The following RGS20 variants were observed in gnomAD, a reference collection of about 807,000 sequenced individuals.
RGS20 encodes the protein gz-selective GTPase-activating protein.
In RGS20, 30 loss-of-function variants were observed where a neutral mutation model predicts 33.6. That is an observed-to-expected ratio of 0.89 (90% confidence interval 0.67 to 1.21). The LOEUF is 1.21. Among genes scored for constraint, RGS20 ranks in the 50% most tolerant of loss-of-function variants. The pLI is 0.00. For missense variants in RGS20, 472 were observed against 502.4 expected, an observed-to-expected ratio of 0.94 and a Z score of 0.58; for synonymous variants, 208 against 197.9, an observed-to-expected ratio of 1.05 and a Z score of -0.43.
At chr8:53,938,785 ATC>A (rs1231886713) in intron 2 of RGS20, among the ~76,000 whole-genome samples, 5 of 152,142 alleles carry the variant, frequency 3.3e-5, no homozygotes, top group African/African-American at 1.2e-4. Context: ...CTGCTTTTAT[ATC>A]TCTCTTCTTT....
intron 1 of RGS20, among the ~76,000 whole-genome samples, chr8:53,875,482 T>C (rs1812184552): frequency 7.0e-6 from 1 of 142,642 alleles, no homozygotes; most frequent in Non-Finnish European, 1.5e-5. Flanking sequence ...AAAAACACCA[T>C]CTCCTACCCT....
chr8:53,869,886 T>C (rs1341608616), intron 1 of RGS20, among the ~76,000 whole-genome samples: 1 of 152,112 alleles, frequency 6.6e-6, no homozygotes, highest in East Asian at 1.9e-4. Context: ...TTGGGGTTCA[T>C]AGTGGGACTG....
intron 2 of RGS20, among the ~76,000 whole-genome samples, chr8:53,912,031 CA>C (rs952238358): frequency 2.0e-5 from 3 of 151,412 alleles, no homozygotes; most frequent in Admixed American, 1.3e-4. Context: ...CAAAGATGGC[CA>C]AAAAAAGGAA....
At chr8:53,869,721 TAGC>T (rs2129271175) in intron 1 of RGS20, among the ~76,000 whole-genome samples, 1 of 152,114 alleles carries the variant, frequency 6.6e-6, no homozygotes, top group African/African-American at 2.4e-5. Flanking sequence ...AAAATTAAAA[TAGC>T]ACAGCTTTAC....
intron 2 of RGS20, among the ~76,000 whole-genome samples, chr8:53,884,504 C>T (rs1812483951): frequency 6.6e-6 from 1 of 152,134 alleles, no homozygotes; most frequent in South Asian, 2.1e-4. Flanking sequence ...AGCTGAAACA[C>T]CCCTTATATC....
intron 2 of RGS20, among the ~76,000 whole-genome samples, chr8:53,931,655 A>C (rs890118194): frequency 6.6e-6 from 1 of 152,170 alleles, no homozygotes; most frequent in African/African-American, 2.4e-5. Flanking sequence ...TCCCAATGAG[A>C]TCAATGCAGA....
chr8:53,954,869 G>C (rs1814820191), intron 5 of RGS20, among the ~76,000 whole-genome samples: 1 of 150,828 alleles, frequency 6.6e-6, no homozygotes, highest in Non-Finnish European at 1.5e-5. Context: ...TGTATTTTTA[G>C]TAGAGACAGG....
At chr8:53,904,409 G>A (rs961227798) in intron 2 of RGS20, among the ~76,000 whole-genome samples, 19 of 152,228 alleles carry the variant, frequency 1.2e-4, no homozygotes, top group African/African-American at 4.6e-4. Flanking sequence ...TAGGATTACA[G>A]GCGTGAGCCA....
chr8:53,854,679 A>C (rs1811635356), intron 1 of RGS20, among the ~76,000 whole-genome samples: 1 of 152,230 alleles, frequency 6.6e-6, no homozygotes, highest in South Asian at 2.1e-4. Flanking sequence ...AGGAATGTAA[A>C]ATAGTACAGC....
intron 4 of RGS20, among the ~76,000 whole-genome samples, chr8:53,947,081 CAT>C (rs1289648322): frequency 6.9e-6 from 1 of 144,722 alleles, no homozygotes; most frequent in Non-Finnish European, 1.5e-5. Context: ...TAAGATATAG[CAT>C]ATATATTTAT....
At chr8:53,905,214 G>C (rs1813132318) in intron 2 of RGS20, among the ~76,000 whole-genome samples, 1 of 152,124 alleles carries the variant, frequency 6.6e-6, no homozygotes, top group Admixed American at 6.5e-5. Flanking sequence ...CAATGGACCA[G>C]CTTTTTCTTA....
At chr8:53,864,374 C>G (rs1811875458) in intron 1 of RGS20, among the ~76,000 whole-genome samples, 1 of 143,806 alleles carries the variant, frequency 7.0e-6, no homozygotes, top group Non-Finnish European at 1.5e-5. Context: ...TTGGAGGTTG[C>G]AGTGAGCTGA....
chr8:53,901,677 G>C (rs552871557), intron 2 of RGS20, among the ~76,000 whole-genome samples: 1 of 152,286 alleles, frequency 6.6e-6, no homozygotes, highest in South Asian at 2.1e-4. Flanking sequence ...TCACTTATAT[G>C]AGGTACTTAG....
chr8:53,934,968 G>A (rs1034370226), intron 2 of RGS20, among the ~76,000 whole-genome samples: 11 of 152,148 alleles, frequency 7.2e-5, no homozygotes, highest in East Asian at 1.9e-4. Context: ...ACTCAAAACC[G>A]CACAACTGCA....
intron 3 of RGS20, among the ~76,000 whole-genome samples, chr8:53,942,809 C>T (rs1814343529): frequency 6.9e-6 from 1 of 144,678 alleles, no homozygotes; most frequent in Admixed American, 7.1e-5. Flanking sequence ...GGCAACACAG[C>T]GAGACCATGT....
intron 2 of RGS20, among the ~76,000 whole-genome samples, chr8:53,906,521 G>A (rs1199414116): frequency 6.6e-6 from 1 of 152,164 alleles, no homozygotes; most frequent in Non-Finnish European, 1.5e-5. Context: ...CCCAGGCAGG[G>A]GAAACCTAGA....
intron 2 of RGS20, among the ~76,000 whole-genome samples, chr8:53,914,206 T>C (rs1392090284): frequency 6.6e-6 from 1 of 152,092 alleles, no homozygotes; most frequent in Non-Finnish European, 1.5e-5. Context: ...AATTTTTAAA[T>C]ATTTGTAGAG....
chr8:53,861,116 C>G (rs192415715), intron 1 of RGS20, among the ~76,000 whole-genome samples: 10 of 152,336 alleles, frequency 6.6e-5, no homozygotes, highest in Admixed American at 3.3e-4. Context: ...GTAGACAGCC[C>G]TGATTTAGAT....
At chr8:53,855,167 C>T (rs1423247443) in intron 1 of RGS20, among the ~76,000 whole-genome samples, 2 of 152,012 alleles carry the variant, frequency 1.3e-5, no homozygotes, top group African/African-American at 2.4e-5. Flanking sequence ...TGGGTTCAGG[C>T]GATTCTCTCA....
Sources: allele counts gnomAD v4.1 joint callset (sites outside exome capture counted in the v4.1 genomes callset), GRCh38; gene constraint gnomAD v4.1.1; transcripts MANE v1.5; gene names NCBI Gene and HGNC (gene_info 2026-07-23, HGNC 2026-07-21).